The following ZFHX3 variants were observed in gnomAD, a reference collection of about 807,000 sequenced individuals.
ZFHX3 encodes the protein zinc finger homeobox protein 3.
Under a neutral mutation model 279.1 loss-of-function variants are expected in ZFHX3, and 42 were observed. The ratio of observed to expected loss-of-function variants is 0.15; its 90% confidence interval spans 0.12 to 0.19. The LOEUF (loss-of-function observed/expected upper bound fraction) is 0.19. ZFHX3 is among the 10% of genes least tolerant of loss of function. ZFHX3 has a pLI of 1.00. For synonymous variants in ZFHX3, 2,293 were observed against 1,957.8 expected (o/e 1.17, Z -4.52); for missense variants, 4,981 against 4,754.0 (o/e 1.05, Z -1.40).
intron 2 of ZFHX3, chr16:73,499,323 C>A (rs182746417): frequency 6.6e-6 from 1 of 152,160 alleles, no homozygotes; most frequent in Non-Finnish European, 1.5e-5. Context: ...AATGAGTCCG[C>A]GTGATGGGGA....
At chr16:72,931,430 C>CTT in intron 3 of ZFHX3, among the ~76,000 whole-genome samples, 1 of 143,678 alleles carries the variant, frequency 7.0e-6, no homozygotes, top group Middle Eastern at 3.6e-3. Context: ...CACACACACA[C>CTT]ACACACACAC....
At chr16:73,714,639 G>A (rs1272483550) in intron 1 of ZFHX3, among the ~76,000 whole-genome samples, 1 of 152,210 alleles carries the variant, frequency 6.6e-6, no homozygotes, top group East Asian at 1.9e-4. Flanking sequence ...ATGTGTGTTA[G>A]CATCTATTCC....
intron 7 of ZFHX3, chr16:73,127,395 T>C (rs1282655659): frequency 3.1e-6 from 4 of 1,305,316 alleles, no homozygotes; most frequent in African/African-American, 3.0e-5. Context: ...TAAATATTTT[T>C]GGGGCCAGAG....
chr16:72,861,055 C>G (rs181681384), intron 4 of ZFHX3, among the ~76,000 whole-genome samples: 4 of 152,154 alleles, frequency 2.6e-5, no homozygotes, highest in Non-Finnish European at 5.9e-5. Context: ...GCTTTTCTCA[C>G]GCACCTTCCC....
chr16:73,064,006 T>C (rs1417686338), upstream of ZFHX3, among the ~76,000 whole-genome samples: 3 of 152,148 alleles, frequency 2.0e-5, no homozygotes, highest in Middle Eastern at 6.3e-3. Context: ...ATGCGCACCG[T>C]GCCCACAAAA....
At chr16:73,389,679 C>A (rs1238029017) in intron 3 of ZFHX3, among the ~76,000 whole-genome samples, 1 of 152,178 alleles carries the variant, frequency 6.6e-6, no homozygotes, top group African/African-American at 2.4e-5. Flanking sequence ...CTTTTTTATC[C>A]GCAGTGAAAA....
At chr16:73,134,819 T>A (rs1966761336) in intron 6 of ZFHX3, among the ~76,000 whole-genome samples, 1 of 152,250 alleles carries the variant, frequency 6.6e-6, no homozygotes, top group South Asian at 2.1e-4. Context: ...GAGGAGGTGA[T>A]GTTTGCTACT....
rs778929397 is a variant in ZFHX3, at chr16:72,794,647, C to T, written c.8035G>A (p.Gly2679Ser). The T allele has an allele frequency of 6.2e-6, 10 of 1,614,092 alleles. No individual in the cohort carries two copies. In the Admixed American group the frequency reaches 8.3e-5, roughly 13 times the overall value. Residue 2679 changes from glycine (G) to serine (S), a missense_variant, in exon 9 of 10, where the codon GGC (glycine) becomes AGC (serine). By Grantham distance (56) the Gly-to-Ser change is moderately conservative. Around this residue, in one of 7 missense-constraint regions of ZFHX3, gnomAD observed 744 missense variants for 701.3 expected, o/e 1.06. Coordinates refer to ENST00000268489, the MANE Select transcript of ZFHX3 (RefSeq NM_006885.4). The surrounding 1 kb of genome is among the most constrained non-coding windows in gnomAD (Gnocchi z 4.2). ...ACTTGTACCACACGTTTCTTCAAGC[C>T]CACCTCGTGTGCAATGTGATCCAAC... ...KMLDHIAHEV[G>S]LKKRVVQVWF...
intron 2 of ZFHX3, among the ~76,000 whole-genome samples, chr16:73,627,379 T>C (rs1237066492): frequency 1.3e-5 from 2 of 152,198 alleles, no homozygotes; most frequent in African/African-American, 2.4e-5. Context: ...GCAGATACTA[T>C]TGATATAGTG....
At chr16:73,032,070 G>C (rs769762501) in intron 1 of ZFHX3, among the ~76,000 whole-genome samples, 11 of 152,224 alleles carry the variant, frequency 7.2e-5, no homozygotes, top group Non-Finnish European at 1.6e-4. Flanking sequence ...GCTGGGCGCA[G>C]TGGCTCACGC....
intron 3 of ZFHX3, chr16:73,401,992 T>C (rs1021395422): frequency 6.6e-6 from 1 of 152,206 alleles, no homozygotes; most frequent in African/African-American, 2.4e-5. Context: ...TCCAGCATTT[T>C]AAAAGAGTCA....
At chr16:72,989,939 C>G (rs1430022920) in intron 1 of ZFHX3, among the ~76,000 whole-genome samples, 1 of 152,164 alleles carries the variant, frequency 6.6e-6, no homozygotes, top group Non-Finnish European at 1.5e-5. Context: ...GCTCCTCTGG[C>G]TCAGGAAAAG....
intron 2 of ZFHX3, among the ~76,000 whole-genome samples, chr16:73,603,787 T>C (rs995481021): frequency 2.7e-5 from 4 of 149,334 alleles, no homozygotes; most frequent in Non-Finnish European, 5.9e-5. Context: ...TTTTTTTTTT[T>C]TTTTGAGATG....
intron 2 of ZFHX3, among the ~76,000 whole-genome samples, chr16:73,615,085 C>T (rs1453899428): frequency 2.7e-5 from 4 of 150,592 alleles, no homozygotes; most frequent in East Asian, 3.9e-4. Flanking sequence ...ATCTAAAATG[C>T]GATTCTCTCT....
Position 72,788,685 on chromosome 16 carries a change from C to T in ZFHX3, c.9591G>A (p.Gln3197=), listed in dbSNP as rs1555515881. Residue 3197 remains glutamine, a synonymous_variant, in exon 10 of 10, where the codon CAG becomes CAA. Coordinates refer to ENST00000268489, the MANE Select transcript of ZFHX3 (RefSeq NM_006885.4). ...GTGGTTGCTGCTGCTGCTGCTGCTG[C>T]TGGGGGGGTTGCTGAGGGCCCATCG... The part of the protein sequence containing the change: ...TMAMGPQQPP[Q]QQQQQQQPQV... The T allele has an allele frequency of 6.2e-7, 1 of 1,609,448 alleles. No individual in the cohort carries two copies.
In ZFHX3 at chr16:72,788,129, G is replaced by T; in HGVS notation, c.10147C>A (p.Leu3383Ile). Residue 3383 changes from leucine (L) to isoleucine (I), a missense_variant, in exon 10 of 10, where the codon CTA becomes ATA. Physicochemically the swap from Leu to Ile is conservative, Grantham distance 5. Transcript: ENST00000268489. ...EAIQQQQQRQ[L>I]QQQQQQKVQQ... Reference sequence around the variant, plus strand: ...ACTTTTTGCTGCTGCTGCTGCTGTAGTTGCCGCTGCTGCTGCTGCTGAATT... The same window carrying T: ...ACTTTTTGCTGCTGCTGCTGCTGTATTTGCCGCTGCTGCTGCTGCTGAATT... 2.5e-6 allele frequency: 4 copies of T among 1,596,868 alleles called. No individual in the cohort carries two copies. The highest frequency in any genetic ancestry group is 3.4e-6 in the Non-Finnish European group (4 of 1,167,990).
At chr16:72,979,564 T>A (rs961641159) in intron 1 of ZFHX3, among the ~76,000 whole-genome samples, 1 of 152,152 alleles carries the variant, frequency 6.6e-6, no homozygotes, top group South Asian at 2.1e-4. Context: ...CCAAAATCTC[T>A]CAGGAAGCTT....
chr16:73,184,635 G>A (rs1967872832), intron 5 of ZFHX3, among the ~76,000 whole-genome samples: 1 of 152,118 alleles, frequency 6.6e-6, no homozygotes, highest in Non-Finnish European at 1.5e-5. Context: ...TAGCATTCCG[G>A]CCACCCCAGT....
At chr16:73,336,311 G>A (rs2015911495) in intron 3 of ZFHX3, among the ~76,000 whole-genome samples, 1 of 152,132 alleles carries the variant, frequency 6.6e-6, no homozygotes, top group African/African-American at 2.4e-5. Context: ...TGTCACGGGG[G>A]TTTGGTGTAC....
Sources: allele counts gnomAD v4.1 joint callset (sites outside exome capture counted in the v4.1 genomes callset), GRCh38; gene constraint gnomAD v4.1.1; regional missense constraint gnomAD v4.1.1; non-coding constraint Gnocchi (gnomAD v3.1); transcripts MANE v1.5; gene names NCBI Gene and HGNC (gene_info 2026-07-23, HGNC 2026-07-21).